The following CACNA1D variants were observed in gnomAD, a reference collection of about 807,000 sequenced individuals.
CACNA1D encodes the protein calcium voltage-gated channel subunit alpha1 D, also known as voltage-dependent L-type calcium channel subunit alpha-1D.
A neutral mutation model predicts 257.1 loss-of-function variants in CACNA1D; 55 were observed. The observed-to-expected ratio is 0.21, with a 90% CI of 0.17 to 0.27. The LOEUF (loss-of-function observed/expected upper bound fraction) is 0.27, where lower values mean the gene tolerates loss of function less well. CACNA1D is among the 10% of genes least tolerant of loss of function. The probability of loss-of-function intolerance (pLI) is 1.00; values close to 1 mark genes in which losing one functional copy is unlikely to be tolerated. For synonymous variants in CACNA1D, 980 were observed against 1,014.9 expected, an observed-to-expected ratio of 0.97 and a Z score of 0.65; for missense variants, 1,876 against 2,784.0, an observed-to-expected ratio of 0.67 and a Z score of 7.34.
At chr3:53,727,025 G>A (rs747518440) in intron 15 of CACNA1D, 26 bp downstream of exon 15, 4 of 1,613,842 alleles carry the variant, frequency 2.5e-6, no homozygotes, top group Non-Finnish European at 3.4e-6. Context: ...ACCAGGCTTT[G>A]TTGTTGCCGT....
intron 44 of CACNA1D, among the ~76,000 whole-genome samples, chr3:53,804,156 G>A (rs562712050): frequency 1.0e-3 from 158 of 152,252 alleles, no homozygotes; most frequent in Middle Eastern, 3.4e-3. Flanking sequence ...GATGAAAATC[G>A]CCCTCCACCC....
chr3:53,556,523 A>T (rs1448314266), intron 3 of CACNA1D, among the ~76,000 whole-genome samples: 1 of 151,882 alleles, frequency 6.6e-6, no homozygotes, highest in Non-Finnish European at 1.5e-5. Flanking sequence ...TCATGCGCTT[A>T]TTTGCCACCT....
At chr3:53,633,411 C>T (rs1390244675) in intron 3 of CACNA1D, among the ~76,000 whole-genome samples, 1 of 152,086 alleles carries the variant, frequency 6.6e-6, no homozygotes, top group Non-Finnish European at 1.5e-5. Context: ...GCTGAGATTG[C>T]ACCATTACAC....
chr3:53,513,479 A>G (rs2091205953), intron 3 of CACNA1D, among the ~76,000 whole-genome samples: 1 of 152,124 alleles, frequency 6.6e-6, no homozygotes, highest in African/African-American at 2.4e-5. Flanking sequence ...CAAAAATACA[A>G]AAAAATTAGC....
At chr3:53,585,432 CA>C (rs1339613581) in intron 3 of CACNA1D, among the ~76,000 whole-genome samples, 1 of 151,838 alleles carries the variant, frequency 6.6e-6, no homozygotes, top group East Asian at 1.9e-4. Flanking sequence ...TTTTTTTGAC[CA>C]AAAAATAAAA....
Position 53,731,989 on chromosome 3 carries a change from CCTCCCAAGATGT to C in CACNA1D, c.2407-24_2407-13del, listed in dbSNP as rs2094997712. 1.4e-6 allele frequency: 2 copies of C among 1,461,298 alleles called. No homozygotes were observed. Among genetic ancestry groups the C allele is most frequent in the Non-Finnish European group, 1.9e-6 (2 of 1,040,592 alleles). The allele number at this position is 1,461,298 out of a possible 1,614,324, so 90.5% of individuals were successfully genotyped here. A position where few individuals can be genotyped will look rare whatever the true frequency, so the allele number is the denominator to read the frequency against. On this transcript the variant is annotated splice_polypyrimidine_tract_variant and intron_variant, in intron 17 of 47. Coordinates refer to ENST00000350061, the MANE Select transcript of CACNA1D (RefSeq NM_001128840.3). ...AAGTGATTTTAAGTCAGTCTCCCCT[CCTCCCAAGATGT>C]CTTTGTCATCCTAGGTTACAATTGA...
chr3:53,812,390 T>TGAAA lies in CACNA1D; in HGVS notation c.*988_*991dup, dbSNP rs1436588373. ...TCCTCTGGGGTTAAAATTTTAAGTT[T>TGAAA]GAAAGAACTTGACACTACAGAAATT... On this transcript the variant is annotated 3_prime_UTR_variant, in exon 48 of 48. Coordinates refer to ENST00000350061, the MANE Select transcript of CACNA1D (RefSeq NM_001128840.3). The TGAAA allele has an allele frequency of 6.6e-6, 1 of 152,248 alleles. No individual in the cohort carries two copies. The highest frequency in any genetic ancestry group is 2.4e-5 in the African/African-American group (1 of 41,466). The allele number at this position is 152,248 out of a possible 1,614,324, so 9.4% of individuals were successfully genotyped here. A position where few individuals can be genotyped will look rare whatever the true frequency, so the allele number is the denominator to read the frequency against.
rs992851451 is a variant in CACNA1D, at chr3:53,811,589, G to A, written c.*183G>A. 2.3e-5 allele frequency: 13 copies of A among 561,462 alleles called. No homozygotes were observed. The highest frequency in any genetic ancestry group is 5.2e-5 in the South Asian group (2 of 38,468). 34.8% of individuals were successfully genotyped at this position (561,462 alleles called of 1,614,324 possible). Reference sequence around the variant, plus strand: ...AACCTGGTAGGAACAGGTCCCAAGCGGTTGAGCCTGGCAGAGTACCATGCG... The same window carrying A: ...AACCTGGTAGGAACAGGTCCCAAGCAGTTGAGCCTGGCAGAGTACCATGCG... On this transcript the variant is annotated 3_prime_UTR_variant, in exon 48 of 48. Coordinates refer to ENST00000350061, the MANE Select transcript of CACNA1D (RefSeq NM_001128840.3). The surrounding 1 kb of genome is among the most constrained non-coding windows in gnomAD (Gnocchi z 4.2).
intron 3 of CACNA1D, among the ~76,000 whole-genome samples, chr3:53,621,912 C>G (rs2108043215): frequency 6.6e-6 from 1 of 152,236 alleles, no homozygotes; most frequent in Non-Finnish European, 1.5e-5. Flanking sequence ...ATAGGACATG[C>G]TACTACACAC....
chr3:53,809,978 A>G lies in CACNA1D; in HGVS notation c.5872A>G (p.Ile1958Val). The change falls in exon 47 of 48, where the codon ATC becomes GTC. Residue 1958 changes from isoleucine (I) to valine (V), a missense_variant and splice_region_variant. Around this residue, in one of 10 missense-constraint regions of CACNA1D, gnomAD observed 491 missense variants for 554.3 expected, o/e 0.89. Coordinates refer to ENST00000350061, the MANE Select transcript of CACNA1D (RefSeq NM_001128840.3). Reference sequence around the variant, plus strand: ...TCCCAACAGTCCCCTCTTTCCTCAGATCATGGCAGTTGCCGGCCTAGATTC... The same window carrying G: ...TCCCAACAGTCCCCTCTTTCCTCAGGTCATGGCAGTTGCCGGCCTAGATTC... Reference protein sequence around the residue: ...ALPLHLMQQQIMAVAGLDSSK... With the variant: ...ALPLHLMQQQVMAVAGLDSSK... 1 of 1,613,906 alleles carries G rather than the reference A, an allele frequency of 6.2e-7. No individual in the cohort carries two copies. Among genetic ancestry groups the G allele is most frequent in the East Asian group, 2.2e-5 (1 of 44,874 alleles).
chr3:53,578,025 T>G (rs1228242284), intron 3 of CACNA1D, among the ~76,000 whole-genome samples: 1 of 152,148 alleles, frequency 6.6e-6, no homozygotes, highest in East Asian at 1.9e-4. Flanking sequence ...AGTCAAAAAT[T>G]ACGTATGGAG....
Position 53,800,409 on chromosome 3 carries a change from G to T in CACNA1D, c.5040+44G>T. ...GCTACACACTGGCCATCTGGAAATA[G>T]CAGGGCAGGACTCCAGTTTGGGCAG... On this transcript the variant is annotated intron_variant, in intron 41 of 47. Transcript: ENST00000350061. The surrounding 1 kb of genome is among the most constrained non-coding windows in gnomAD (Gnocchi z 4.3). 7.7e-7 allele frequency: 1 copy of T among 1,291,844 alleles called. No individual in the cohort carries two copies. Among genetic ancestry groups the T allele is most frequent in the Non-Finnish European group, 1.1e-6 (1 of 885,710 alleles). The allele number at this position is 1,291,844 out of a possible 1,614,324, so 80.0% of individuals were successfully genotyped here.
intron 8 of CACNA1D, 92 bp from the exon 9 acceptor site, chr3:53,702,549 G>T: frequency 1.6e-6 from 2 of 1,232,604 alleles, no homozygotes; most frequent in Admixed American, 1.7e-5. Context: ...TGTGTGTCCT[G>T]CCCACAAGAC....
intron 3 of CACNA1D, among the ~76,000 whole-genome samples, chr3:53,588,955 T>C (rs1227477852): frequency 6.6e-6 from 1 of 152,196 alleles, no homozygotes; most frequent in Non-Finnish European, 1.5e-5. Context: ...ACCTTTAATT[T>C]CTTGGCCACA....
At chr3:53,742,397 A>C (rs930716731) in intron 21 of CACNA1D, among the ~76,000 whole-genome samples, 4 of 152,234 alleles carry the variant, frequency 2.6e-5, no homozygotes, top group Non-Finnish European at 5.9e-5. Context: ...GTGGCAGGTG[A>C]GCACAGAGCC....
chr3:53,650,332 G>C (rs1372217810), intron 3 of CACNA1D, among the ~76,000 whole-genome samples: 2 of 152,206 alleles, frequency 1.3e-5, no homozygotes, highest in Non-Finnish European at 1.5e-5. Flanking sequence ...CAAAACAGAT[G>C]CATCTTCATT....
At chr3:53,758,092 G>A (rs1427023461) in intron 29 of CACNA1D, among the ~76,000 whole-genome samples, 1 of 152,206 alleles carries the variant, frequency 6.6e-6, no homozygotes, top group Non-Finnish European at 1.5e-5. Context: ...GATCCTGGAA[G>A]TGCAGCCTCT....
chr3:53,684,404 C>T (rs544098866), intron 8 of CACNA1D, among the ~76,000 whole-genome samples: 1 of 152,138 alleles, frequency 6.6e-6, no homozygotes, highest in African/African-American at 2.4e-5. Context: ...GGCAGATCAC[C>T]TGAGGTGGGG....
chr3:53,553,323 A>ATGCTGT (rs1250451267), intron 3 of CACNA1D, among the ~76,000 whole-genome samples: 1 of 152,212 alleles, frequency 6.6e-6, no homozygotes, highest in Non-Finnish European at 1.5e-5. Context: ...AAATGTGTTT[A>ATGCTGT]TGCTGTTGCT....
Sources: allele counts gnomAD v4.1 joint callset (sites outside exome capture counted in the v4.1 genomes callset), GRCh38; gene constraint gnomAD v4.1.1; regional missense constraint gnomAD v4.1.1; non-coding constraint Gnocchi (gnomAD v3.1); transcripts MANE v1.5; gene names NCBI Gene and HGNC (gene_info 2026-07-23, HGNC 2026-07-21).